Variants in RAB7A observed in about 807,000 individuals in gnomAD.
RAB7A encodes ras-related protein Rab-7a.
RAB7A carries 2 observed loss-of-function variants against 24.5 expected under a neutral mutation model. The ratio of observed to expected loss-of-function variants is 0.08; its 90% CI spans 0.03 to 0.26. RAB7A has a LOEUF of 0.26. RAB7A is among the 10% of genes least tolerant of loss of function. The pLI, the probability that RAB7A is intolerant of heterozygous loss-of-function variation, is 1.00. For missense variants in RAB7A, 118 were observed against 255.7 expected (o/e 0.46, Z 3.67); for synonymous variants, 100 against 95.9 (o/e 1.04, Z -0.25).
intron 1 of RAB7A, among the ~76,000 whole-genome samples, chr3:128,735,239 G>T (rs938646972): frequency 6.6e-6 from 1 of 152,222 alleles, no homozygotes; most frequent in Non-Finnish European, 1.5e-5. Context: ...TGGTAGGCAG[G>T]TGAGAGTTGG....
chr3:128,731,885 G>A (rs1320874897), intron 1 of RAB7A, among the ~76,000 whole-genome samples: 1 of 151,294 alleles, frequency 6.6e-6, no homozygotes, highest in Admixed American at 6.6e-5. Context: ...ATGCACTGTA[G>A]TCCCAGCTAT....
intron 1 of RAB7A, among the ~76,000 whole-genome samples, chr3:128,786,069 C>T (rs996787121): frequency 2.0e-5 from 3 of 152,218 alleles, no homozygotes; most frequent in Admixed American, 6.5e-5. Context: ...GCCCCCTCCC[C>T]AGAATGAATA....
Position 128,813,871 on chromosome 3 carries a change from T to C in RAB7A, c.*449T>C. On this transcript the variant is annotated 3_prime_UTR_variant, in exon 6 of 6. Coordinates refer to ENST00000265062, the MANE Select transcript of RAB7A (RefSeq NM_004637.6). ...CTTTTTACCCCCCCTTTCCCCTCCC[T>C]CCTTGAAGGCTACCCCTTGGGAAGG... The C allele has an allele frequency of 3.9e-6, 1 of 258,148 alleles. No individual in the cohort carries two copies. The highest frequency in any genetic ancestry group is 7.8e-6 in the Non-Finnish European group (1 of 128,916). The allele number at this position is 258,148 out of a possible 1,614,324, so 16.0% of individuals were successfully genotyped here.
chr3:128,779,595 G>GC (rs1933173589), intron 1 of RAB7A, among the ~76,000 whole-genome samples: 1 of 147,292 alleles, frequency 6.8e-6, no homozygotes, highest in Non-Finnish European at 1.5e-5. Flanking sequence ...GGGGTGGGGT[G>GC]GGGGGGTGGT....
chr3:128,729,569 C>CAAAA (rs71153142), intron 1 of RAB7A, among the ~76,000 whole-genome samples: 1 of 97,156 alleles, frequency 1.0e-5, no homozygotes, highest in Non-Finnish European at 2.4e-5. Flanking sequence ...GACTTCTTCT[C>CAAAA]AAAAAAAAAA....
chr3:128,770,678 G>T (rs73198827), intron 1 of RAB7A, among the ~76,000 whole-genome samples: 8,132 of 152,054 alleles, frequency 0.053, 230 homozygotes, highest in Non-Finnish European at 0.058. Context: ...TAATCCAGTG[G>T]GCAGTCCCCA....
chr3:128,804,111 T>TAGGGACCTCCCTG (rs772656476), intron 3 of RAB7A, among the ~76,000 whole-genome samples: 1 of 148,528 alleles, frequency 6.7e-6, no homozygotes, highest in Non-Finnish European at 1.5e-5. Context: ...GGGACCTCCC[T>TAGGGACCTCCCTG]GGGCCCCCCC....
At chr3:128,728,676 G>A (rs9826685) in intron 1 of RAB7A, among the ~76,000 whole-genome samples, 8,125 of 152,128 alleles carry the variant, frequency 0.053, 635 homozygotes, top group African/African-American at 0.17. Context: ...TGGTCAGGCT[G>A]GTCTCGAACT....
chr3:128,734,678 C>T (rs1410235670), intron 1 of RAB7A, among the ~76,000 whole-genome samples: 1 of 151,978 alleles, frequency 6.6e-6, no homozygotes, highest in Non-Finnish European at 1.5e-5. Context: ...TGGTCAGACA[C>T]TTGAGCCCTT....
At chr3:128,747,724 T>C (rs1156723101) in intron 1 of RAB7A, among the ~76,000 whole-genome samples, 1 of 151,724 alleles carries the variant, frequency 6.6e-6, no homozygotes, top group Non-Finnish European at 1.5e-5. Context: ...GGTGGGTCTT[T>C]GGGCCTGCAG....
At chr3:128,737,338 C>CTTTTTTT (rs34916629) in intron 1 of RAB7A, among the ~76,000 whole-genome samples, 1 of 90,032 alleles carries the variant, frequency 1.1e-5, no homozygotes, top group Non-Finnish European at 2.0e-5. Flanking sequence ...CGCTCCCGGC[C>CTTTTTTT]TTTTTTTTTT....
chr3:128,759,813 G>A (rs1379115785), intron 1 of RAB7A, among the ~76,000 whole-genome samples: 2 of 151,938 alleles, frequency 1.3e-5, no homozygotes, highest in African/African-American at 2.4e-5. Context: ...GGGTTCTAGC[G>A]ACTTCTCCTG....
chr3:128,747,743 G>A (rs1250918629), intron 1 of RAB7A, among the ~76,000 whole-genome samples: 1 of 151,358 alleles, frequency 6.6e-6, no homozygotes, highest in Non-Finnish European at 1.5e-5. Context: ...AGGAAGCAAA[G>A]GATTCTTTTT....
intron 1 of RAB7A, among the ~76,000 whole-genome samples, chr3:128,777,776 C>T (rs1933128922): frequency 6.6e-6 from 1 of 152,200 alleles, no homozygotes; most frequent in Non-Finnish European, 1.5e-5. Context: ...GTCTCCTGTG[C>T]AGTGGCGCGA....
chr3:128,812,491 TC>T (rs1933949023), intron 5 of RAB7A, among the ~76,000 whole-genome samples: 1 of 152,242 alleles, frequency 6.6e-6, no homozygotes, highest in African/African-American at 2.4e-5. Context: ...ATGATTTTTT[TC>T]CTAGATAACT....
At chr3:128,729,776 T>A (rs933918913) in intron 1 of RAB7A, among the ~76,000 whole-genome samples, 1 of 152,208 alleles carries the variant, frequency 6.6e-6, no homozygotes, top group Non-Finnish European at 1.5e-5. Context: ...TTCATTTAAT[T>A]CAACAAATAC....
chr3:128,774,069 A>G (rs1933020728), intron 1 of RAB7A, among the ~76,000 whole-genome samples: 1 of 143,888 alleles, frequency 6.9e-6, no homozygotes, highest in African/African-American at 2.5e-5. Flanking sequence ...ACACCCAAGA[A>G]TGATCAATTA....
chr3:128,809,033 C>A (rs906060683), intron 5 of RAB7A, among the ~76,000 whole-genome samples: 1 of 152,026 alleles, frequency 6.6e-6, no homozygotes, highest in Non-Finnish European at 1.5e-5. Context: ...ACGCTTACCC[C>A]CAAATAATAA....
intron 1 of RAB7A, chr3:128,765,025 A>G: frequency 6.7e-7 from 1 of 1,503,550 alleles, no homozygotes; most frequent in South Asian, 1.1e-5. Flanking sequence ...CATGGCAGCA[A>G]CTAAGGAGAG....
Sources: gnomAD v4.1 joint callset for allele counts (sites outside exome capture counted in the v4.1 genomes callset) on GRCh38, gnomAD v4.1.1 for gene constraint, MANE v1.5 for transcripts, NCBI Gene and HGNC (gene_info 2026-07-23, HGNC 2026-07-21) for gene names.